ACAP2: variants seen among roughly 807,000 people sequenced by gnomAD.
ACAP2 encodes the protein arf-GAP with coiled-coil, ANK repeat and PH domain-containing protein 2.
In ACAP2, 39 loss-of-function variants were observed where a neutral mutation model predicts 115.8. That is an observed-to-expected ratio of 0.34 (90% CI 0.26 to 0.44). The LOEUF is 0.44. Ranked by LOEUF, ACAP2 falls within the 20% of genes least tolerant of loss-of-function variation. The probability of loss-of-function intolerance (pLI) is 1.00; values close to 1 mark genes in which losing one functional copy is unlikely to be tolerated. For missense variants in ACAP2, 662 were observed against 927.6 expected, an observed-to-expected ratio of 0.71 and a Z score of 3.72; for synonymous variants, 289 against 315.8, an observed-to-expected ratio of 0.92 and a Z score of 0.90.
intron 2 of ACAP2, among the ~76,000 whole-genome samples, chr3:195,387,342 C>T (rs1475538521): frequency 2.0e-5 from 3 of 152,126 alleles, no homozygotes; most frequent in Non-Finnish European, 4.4e-5. Context: ...AGACACTCTG[C>T]CAGATGATAG....
intron 1 of ACAP2, among the ~76,000 whole-genome samples, chr3:195,417,150 G>T (rs1713804610): frequency 7.7e-6 from 1 of 130,090 alleles, no homozygotes; most frequent in South Asian, 2.5e-4. Flanking sequence ...CTAGCTGGTT[G>T]TGAACTCCTG....
At chr3:195,412,548 G>T (rs1174094200) in intron 1 of ACAP2, among the ~76,000 whole-genome samples, 1 of 152,036 alleles carries the variant, frequency 6.6e-6, no homozygotes, top group African/African-American at 2.4e-5. Context: ...GGAGGCGGAG[G>T]TTGCAATGAG....
At chr3:195,298,514 T>C (rs1727806810) in intron 15 of ACAP2, among the ~76,000 whole-genome samples, 1 of 152,098 alleles carries the variant, frequency 6.6e-6, no homozygotes, top group South Asian at 2.1e-4. Flanking sequence ...CACCTCGACC[T>C]CTCAAAGTGC....
At chr3:195,311,817 A>G (rs965195347) in intron 10 of ACAP2, among the ~76,000 whole-genome samples, 6 of 152,130 alleles carry the variant, frequency 3.9e-5, no homozygotes, top group Non-Finnish European at 7.4e-5. Flanking sequence ...GATTACAGGC[A>G]TGAGCCACCG....
intron 4 of ACAP2, among the ~76,000 whole-genome samples, chr3:195,352,941 T>G (rs2108676023): frequency 6.6e-6 from 1 of 151,990 alleles, no homozygotes; most frequent in South Asian, 2.1e-4. Context: ...ATTAGCTGGG[T>G]GTGGTGGCGC....
intron 13 of ACAP2, among the ~76,000 whole-genome samples, chr3:195,302,584 GT>G (rs201657792): frequency 0.022 from 3,277 of 148,572 alleles, 115 homozygotes; most frequent in East Asian, 0.1. Flanking sequence ...GCTAGTCATT[GT>G]TTTTTTTTTC....
At chr3:195,289,056 T>G in intron 21 of ACAP2, 65 bp downstream of exon 21, 1 of 1,309,070 alleles carries the variant, frequency 7.6e-7, no homozygotes, top group Non-Finnish European at 1.1e-6. Context: ...TAATTCACTG[T>G]GGATAACCGA....
chr3:195,308,960 CTG>C, intron 10 of ACAP2, 123 bp from the exon 11 acceptor site: 1 of 933,572 alleles, frequency 1.1e-6, no homozygotes, highest in Non-Finnish European at 1.6e-6. Context: ...GAGAAGTCCA[CTG>C]TATTATTTTG....
At chr3:195,284,901 A>G (rs1295388393) in intron 22 of ACAP2, among the ~76,000 whole-genome samples, 1 of 152,140 alleles carries the variant, frequency 6.6e-6, no homozygotes, top group Non-Finnish European at 1.5e-5. Flanking sequence ...ACCAATAATT[A>G]CTCTCTTCTT....
rs189434395 is a variant in ACAP2 at position 195,400,204 on chromosome 3, G to A, written c.54-8057C>T. On this transcript the variant is annotated intron_variant, in intron 1 of 22. Coordinates refer to ENST00000326793, the MANE Select transcript of ACAP2 (RefSeq NM_012287.6). ...AAAAAAAAAAACAACAAAAAAATAC[G>A]TATGTGTATATATATATGTGTGTGT... 4.0e-5 allele frequency among the ~76,000 whole-genome samples: 6 copies of A among 151,116 alleles called. No homozygotes were observed. In the East Asian group the frequency reaches 7.8e-4, roughly 20 times the overall value.
At chr3:195,435,606 G>C (rs1219507882) in intron 1 of ACAP2, among the ~76,000 whole-genome samples, 1 of 151,900 alleles carries the variant, frequency 6.6e-6, no homozygotes, top group Admixed American at 6.6e-5. Flanking sequence ...TGACTTCTTT[G>C]ATCCACTGTT....
intron 15 of ACAP2, among the ~76,000 whole-genome samples, chr3:195,300,732 C>G (rs953062551): frequency 3.3e-5 from 5 of 152,166 alleles, no homozygotes; most frequent in African/African-American, 1.2e-4. Flanking sequence ...AGAATCTGAA[C>G]TGGGCCAAGG....
At chr3:195,367,405 A>C (rs963412252) in intron 4 of ACAP2, among the ~76,000 whole-genome samples, 1 of 152,210 alleles carries the variant, frequency 6.6e-6, no homozygotes, top group Non-Finnish European at 1.5e-5. Flanking sequence ...ACTTCAAATG[A>C]CATAAATAAA....
At chr3:195,359,568 C>A (rs557692964) in intron 4 of ACAP2, among the ~76,000 whole-genome samples, 1 of 152,128 alleles carries the variant, frequency 6.6e-6, no homozygotes, top group African/African-American at 2.4e-5. Context: ...CCGGGGTTCA[C>A]GCCATTCTCC....
At chr3:195,440,074 CA>C (rs904575879) in intron 1 of ACAP2, among the ~76,000 whole-genome samples, 8 of 151,498 alleles carry the variant, frequency 5.3e-5, no homozygotes, top group Non-Finnish European at 8.8e-5. Flanking sequence ...AATTTCCACT[CA>C]AAAAAAAGTA....
intron 19 of ACAP2, 47 bp from the exon 20 acceptor site, chr3:195,291,862 A>T: frequency 6.7e-7 from 1 of 1,490,930 alleles, no homozygotes; most frequent in Non-Finnish European, 9.2e-7. Context: ...AAATAACAAG[A>T]AACAACAATA....
At chr3:195,372,000 G>A (rs1733183514) in intron 4 of ACAP2, among the ~76,000 whole-genome samples, 1 of 152,198 alleles carries the variant, frequency 6.6e-6, no homozygotes, top group African/African-American at 2.4e-5. Context: ...AATTTACATT[G>A]AAACATTTTA....
At position 195,312,688 on chromosome 3, in the gene ACAP2, A is replaced by G. The variant is rs74650176; in HGVS notation, c.858-3851T>C. ...TTTAAAAAAAAAAGTAAATTACTCA[A>G]TCTGTATCTTCTTTGGGTAATTATA... On this transcript the variant is annotated intron_variant, in intron 10 of 22. Transcript: ENST00000326793. Among the ~76,000 whole-genome samples, 996 of 152,320 alleles carry G rather than the reference A, an allele frequency of 6.5e-3. 9 individuals are homozygous for G. Among genetic ancestry groups the G allele is most frequent in the African/African-American group, 0.021 (880 of 41,574 alleles).
chr3:195,308,864 T>C (rs368035140), intron 10 of ACAP2, 27 bp from the exon 11 acceptor site: 1 of 1,571,988 alleles, frequency 6.4e-7, no homozygotes, highest in Non-Finnish European at 8.7e-7. Flanking sequence ...TAGATTAAGT[T>C]TTCATAAACA....
Sources: gnomAD v4.1 joint callset for allele counts (sites outside exome capture counted in the v4.1 genomes callset) on GRCh38, gnomAD v4.1.1 for gene constraint, MANE v1.5 for transcripts, NCBI Gene and HGNC (gene_info 2026-07-23, HGNC 2026-07-21) for gene names.